Variants in IFT140 observed in about 807,000 individuals in gnomAD.
IFT140 encodes the protein intraflagellar transport protein 140 homolog.
In IFT140, 133 loss-of-function variants were observed where a neutral mutation model predicts 164.6. That is an observed-to-expected ratio of 0.81 (90% CI 0.70 to 0.93). IFT140 has a LOEUF of 0.93. Among genes scored for constraint, IFT140 ranks in the 40% least tolerant of loss-of-function variants. The pLI is 0.00. For missense variants in IFT140, 2,045 were observed against 1,972.3 expected (o/e 1.04, Z -0.70); for synonymous variants, 860 against 817.3 (o/e 1.05, Z -0.89).
At chr16:1,560,551 G>A (rs1376182035) in intron 18 of IFT140, among the ~76,000 whole-genome samples, 1 of 152,196 alleles carries the variant, frequency 6.6e-6, no homozygotes, top group African/African-American at 2.4e-5. Context: ...CCAGCTCAGG[G>A]GTGTGTGTGG....
At chr16:1,605,428 TG>T (rs1275996633) in intron 3 of IFT140, among the ~76,000 whole-genome samples, 4 of 152,064 alleles carry the variant, frequency 2.6e-5, no homozygotes, top group African/African-American at 9.7e-5. Context: ...TTTTTTGAGA[TG>T]GAGTCTCACT....
At chr16:1,525,138 G>T in intron 22 of IFT140, 93 bp downstream of exon 22, 2 of 1,235,982 alleles carry the variant, frequency 1.6e-6, no homozygotes, top group Non-Finnish European at 2.3e-6. Flanking sequence ...CGTGCAGGAA[G>T]CACGGGAAAG....
chr16:1,558,344 T>C lies in IFT140; in HGVS notation c.2200-210A>G, dbSNP rs368199259. Among the ~76,000 whole-genome samples the C allele has an allele frequency of 1.8e-4, 27 of 152,308 alleles. 1 individual carries two copies. Among genetic ancestry groups the C allele is most frequent in the Middle Eastern group, 3.4e-3 (1 of 294 alleles). The stretch of plus-strand genomic sequence containing the variant: ...CAGAGCTTTTGGCTCTGGCTTCAGA[T>C]AATGGGTAAGCAAAGGCTGCCCGTG... On this transcript the variant is annotated intron_variant, in intron 18 of 30. Coordinates refer to ENST00000426508, the MANE Select transcript of IFT140 (RefSeq NM_014714.4).
intron 3 of IFT140, among the ~76,000 whole-genome samples, chr16:1,603,323 C>T (rs530177035): frequency 6.6e-6 from 1 of 152,212 alleles, no homozygotes; most frequent in Non-Finnish European, 1.5e-5. Flanking sequence ...CCCCAGGACC[C>T]TTTCAGGGAT....
At chr16:1,566,088 C>G (rs2033697397) in intron 16 of IFT140, 73 bp downstream of exon 16, 5 of 1,523,244 alleles carry the variant, frequency 3.3e-6, no homozygotes, top group Non-Finnish European at 3.6e-6. Flanking sequence ...AACTTAGCAA[C>G]AACCCGCCCA....
intron 24 of IFT140, 22 bp downstream of exon 24, chr16:1,524,530 C>T (rs954984227): frequency 1.2e-6 from 2 of 1,610,152 alleles, no homozygotes; most frequent in Admixed American, 1.7e-5. Context: ...AGCGCCGGCT[C>T]CCCACCCCGG....
rs200779129 is a variant in IFT140 at position 1,592,608 on chromosome 16, C to T, written c.370-20G>A. 37 of 1,610,388 alleles carry T rather than the reference C, an allele frequency of 2.3e-5. No individual in the cohort carries two copies. Among genetic ancestry groups the T allele is most frequent in the African/African-American group, 4.0e-5 (3 of 74,124 alleles). On this transcript the variant is annotated intron_variant, in intron 4 of 30. Transcript: ENST00000426508. ...ACCAAGCTGGAAAGACCCAACACCA[C>T]GTGTTAGGACAGGTGTCCCGGCAGA...
chr16:1,529,857 T>A lies in IFT140; in HGVS notation c.2400-3061A>T, dbSNP rs932231560. 2.6e-5 allele frequency among the ~76,000 whole-genome samples: 4 copies of A among 152,290 alleles called. No individual in the cohort carries two copies. In the South Asian group the frequency reaches 6.2e-4, roughly 24 times the overall value. On this transcript the variant is annotated intron_variant, in intron 19 of 30. Coordinates refer to ENST00000426508, the MANE Select transcript of IFT140 (RefSeq NM_014714.4). Reference sequence around the variant, plus strand: ...CTCCCCAGAACGCTGCTGGGCCTCATCCGTCAGCAAATGATGCACGTGGAG... The same window carrying A: ...CTCCCCAGAACGCTGCTGGGCCTCAACCGTCAGCAAATGATGCACGTGGAG...
At chr16:1,516,339 C>T (rs2040343365) in intron 30 of IFT140, among the ~76,000 whole-genome samples, 1 of 151,866 alleles carries the variant, frequency 6.6e-6, no homozygotes, top group Non-Finnish European at 1.5e-5. Flanking sequence ...CAGGTGGGGA[C>T]ACGGGTGGGA....
intron 19 of IFT140, among the ~76,000 whole-genome samples, chr16:1,538,116 G>C (rs2031258461): frequency 6.6e-6 from 1 of 152,226 alleles, no homozygotes; most frequent in Non-Finnish European, 1.5e-5. Context: ...AGCTTTCTTG[G>C]GGCAGGCGGG....
intron 3 of IFT140, among the ~76,000 whole-genome samples, chr16:1,604,815 G>A (rs2035978567): frequency 6.6e-6 from 1 of 152,122 alleles, no homozygotes; most frequent in African/African-American, 2.4e-5. Context: ...GGATTACAAG[G>A]TAGGGGAGTG....
Position 1,520,685 on chromosome 16 carries a change from C to T in IFT140, c.3577G>A (p.Glu1193Lys). Residue 1193 changes from glutamate (E) to lysine (K), a missense_variant, in exon 27 of 31, where the codon GAG becomes AAG. Coordinates refer to ENST00000426508, the MANE Select transcript of IFT140 (RefSeq NM_014714.4). ...LPEESRRELL[E>K]QIADCCMRQG... ...CGCATGCAGCAGTCTGCTATCTGCT[C>T]CAGCAGCTCCCGCCGCGACTCCTCA... 6.2e-7 allele frequency: 1 copy of T among 1,609,136 alleles called. No individual in the cohort carries two copies.
In IFT140 at chr16:1,553,845, G is replaced by A; in HGVS notation, c.2399+4090C>T. The A allele has an allele frequency of 8.2e-7, 1 of 1,221,214 alleles. No homozygotes were observed. Among genetic ancestry groups the A allele is most frequent in the Non-Finnish European group, 1.0e-6 (1 of 955,808 alleles). The allele number at this position is 1,221,214 out of a possible 1,614,324, so 75.6% of individuals were successfully genotyped here. A position where few individuals can be genotyped will look rare whatever the true frequency, so the allele number is the denominator to read the frequency against. On this transcript the variant is annotated intron_variant, in intron 19 of 30. Transcript: ENST00000426508. The surrounding 1 kb of genome is among the most constrained non-coding windows in gnomAD (Gnocchi z 4.4). ...GCCCGGCTCCATCGCTGCGGCCACA[G>A]TGTCCTGTTATCCTAGTTGGTAGAC...
intron 30 of IFT140, among the ~76,000 whole-genome samples, chr16:1,511,583 A>AT (rs753875831): frequency 3.5e-4 from 51 of 145,328 alleles, no homozygotes; most frequent in East Asian, 1.8e-3. Flanking sequence ...TGGCTTGGGT[A>AT]TTTTTTTTTT....
intron 24 of IFT140, 48 bp from the exon 25 acceptor site, chr16:1,524,004 C>G (rs376647100): frequency 6.3e-7 from 1 of 1,591,804 alleles, no homozygotes; most frequent in Admixed American, 1.7e-5. Context: ...CTGGCTTCCC[C>G]AGGTCCGCTG....
rs772064659 is a variant in IFT140 at position 1,524,622 on chromosome 16, T to C, written c.3071A>G (p.Glu1024Gly). 6.2e-7 allele frequency: 1 copy of C among 1,603,006 alleles called. No homozygotes were observed. The highest frequency in any genetic ancestry group is 2.2e-5 in the East Asian group (1 of 44,586). The change falls in exon 24 of 31, where the codon GAG becomes GGG. Residue 1024 changes from glutamate (E) to glycine (G), a missense_variant. By Grantham distance (98) the Glu-to-Gly change is moderately conservative. Transcript: ENST00000426508. ...YHLARQYESQ[E>G]EVGQAVHFYT... ...GAAGTGCACCGCCTGCCCGACCTCC[T>C]CCTGGCTCTCGTACTGGCGGGCGAG...
In IFT140 at chr16:1,510,592, G is replaced by A; in HGVS notation, c.*352C>T. On this transcript the variant is annotated 3_prime_UTR_variant, in exon 31 of 31. Transcript: ENST00000426508. ...GATATGATGTGTGGGGAGCAGGGGGGCAGGTGCCCCAGCCCTCCAGCTGCA... is the reference window on the plus strand; with the variant it reads ...GATATGATGTGTGGGGAGCAGGGGGACAGGTGCCCCAGCCCTCCAGCTGCA... 2.6e-6 allele frequency: 1 copy of A among 378,346 alleles called. No homozygotes were observed. The highest frequency in any genetic ancestry group is 2.6e-5 in the South Asian group (1 of 39,146). The allele number at this position is 378,346 out of a possible 1,614,324, so 23.4% of individuals were successfully genotyped here.
At position 1,534,306 on chromosome 16, in the gene IFT140, G is replaced by A. The variant is rs764949974; in HGVS notation, c.2400-7510C>T. On this transcript the variant is annotated intron_variant, in intron 19 of 30. Transcript: ENST00000426508. ...CGTGCAGAGACTCGTGGCCGCGGCC[G>A]TGCTGGTGGCCCTGGTCTCACTCAT... 6.2e-6 allele frequency: 10 copies of A among 1,612,514 alleles called. No individual in the cohort carries two copies. The Admixed American group carries it at 8.3e-5, about 13-fold the overall frequency.
At chr16:1,513,087 T>C (rs891415182) in intron 30 of IFT140, 3 of 152,146 alleles carry the variant, frequency 2.0e-5, no homozygotes, top group African/African-American at 7.2e-5. Context: ...AACTATCTAA[T>C]AGGGCAACAC....
Sources: gnomAD v4.1 joint callset for allele counts (sites outside exome capture counted in the v4.1 genomes callset) on GRCh38, gnomAD v4.1.1 for gene constraint, Gnocchi (gnomAD v3.1) non-coding constraint, MANE v1.5 for transcripts, NCBI Gene and HGNC (gene_info 2026-07-23, HGNC 2026-07-21) for gene names.